Variants in RNF213 observed in about 807,000 individuals in gnomAD.
RNF213 encodes ring finger protein 213.
RNF213 carries 341 observed loss-of-function variants against 514.4 expected under a neutral mutation model. The observed-to-expected ratio is 0.66, with a 90% CI of 0.61 to 0.73. RNF213 has a LOEUF of 0.73. Among genes scored for constraint, RNF213 ranks in the 30% least tolerant of loss-of-function variants. RNF213 has a pLI of 0.00. For synonymous variants in RNF213, 2,655 were observed against 2,658.2 expected (o/e 1.00, Z 0.04); for missense variants, 5,767 against 6,615.6 (o/e 0.87, Z 4.45).
In RNF213 at chr17:80,263,760, C is replaced by T; in HGVS notation, c.79C>T (p.Pro27Ser). 1 of 1,613,980 alleles carries T rather than the reference C, an allele frequency of 6.2e-7. No homozygotes were observed. The highest frequency in any genetic ancestry group is 8.5e-7 in the Non-Finnish European group (1 of 1,179,898). Reference sequence around the variant, plus strand: ...CAGCCAGTGCGGAGAGAGGCTGCCTCCTGCAGCCCCCATAGCAGGTGAGGC... The same window carrying T: ...CAGCCAGTGCGGAGAGAGGCTGCCTTCTGCAGCCCCCATAGCAGGTGAGGC... Reference protein sequence around the residue: ...FCSQCGERLPPAAPIADSENN... With the variant: ...FCSQCGERLPSAAPIADSENN... Residue 27 changes from proline (P) to serine (S), a missense_variant, in exon 2 of 68, where the codon CCT becomes TCT. Around this residue, in one of 13 missense-constraint regions of RNF213, gnomAD observed 509 missense variants for 496.7 expected, o/e 1.02. Coordinates refer to ENST00000582970, the MANE Select transcript of RNF213 (RefSeq NM_001256071.3). This position sits in a 1 kb window ranked among gnomAD's most constrained non-coding sequence, Gnocchi z 4.9.
intron 2 of RNF213, among the ~76,000 whole-genome samples, chr17:80,270,549 C>T (rs1218062785): frequency 6.6e-5 from 10 of 152,140 alleles, no homozygotes; most frequent in Non-Finnish European, 1.2e-4. Flanking sequence ...CAATCTGTGC[C>T]GGTCGTTGGG....
intron 35 of RNF213, 27 bp from the exon 36 acceptor site, chr17:80,354,414 T>C (rs766410541): frequency 1.4e-5 from 23 of 1,614,100 alleles, no homozygotes; most frequent in Non-Finnish European, 8.5e-7. Flanking sequence ...ACGGCCATGC[T>C]GAACGTCTGT....
In RNF213 at chr17:80,294,810, A is replaced by G. The variant is rs867744222; in HGVS notation, c.1562A>G (p.Asp521Gly). The G allele has an allele frequency of 1.2e-6, 2 of 1,614,174 alleles. No individual in the cohort carries two copies. Among genetic ancestry groups the G allele is most frequent in the South Asian group, 2.2e-5 (2 of 91,084 alleles). ...MNHITDGPRK[D>G]LVKGKQIAAA... ...CACATCACAGACGGGCCGAGGAAGG[A>G]CCTGGTGAAGGGGAAGCAGATTGCC... Residue 521 changes from aspartate to glycine, a missense_variant, in exon 9 of 68, where the codon GAC becomes GGC. By Grantham distance (94) the Asp-to-Gly change is moderately conservative. Transcript: ENST00000582970.
chr17:80,353,687 C>T lies in RNF213; in HGVS notation c.10578+21C>T. On this transcript the variant is annotated intron_variant, in intron 34 of 67. Transcript: ENST00000582970. This position sits in a 1 kb window ranked among gnomAD's most constrained non-coding sequence, Gnocchi z 5.0. ...GTGATGTAAGTTCTGGTTCTTGGGACCTCCCCTTGTGCTGCTGGTGATGCT... is the reference window on the plus strand; with the variant it reads ...GTGATGTAAGTTCTGGTTCTTGGGATCTCCCCTTGTGCTGCTGGTGATGCT... 6.2e-7 allele frequency: 1 copy of T among 1,614,102 alleles called. No homozygotes were observed. The highest frequency in any genetic ancestry group is 8.5e-7 in the Non-Finnish European group (1 of 1,179,972).
In RNF213 at chr17:80,343,010, G is replaced by A. The variant is rs1386705033; in HGVS notation, c.5990-122G>A. 25 of 788,614 alleles carry A rather than the reference G, an allele frequency of 3.2e-5. No individual in the cohort carries two copies. Among genetic ancestry groups the A allele is most frequent in the Non-Finnish European group, 4.1e-5 (19 of 463,708 alleles). The allele number at this position is 788,614 out of a possible 1,614,324, so 48.9% of individuals were successfully genotyped here. ...TTTAGTAGGGACGGGATTTCACCAC[G>A]TTGACCAGGCTGGCTTTGAACTCCT... On this transcript the variant is annotated intron_variant, in intron 26 of 67. Coordinates refer to ENST00000582970, the MANE Select transcript of RNF213 (RefSeq NM_001256071.3). The surrounding 1 kb of genome is among the most constrained non-coding windows in gnomAD (Gnocchi z 4.3).
intron 2 of RNF213, among the ~76,000 whole-genome samples, chr17:80,265,248 T>C (rs2043574441): frequency 6.6e-6 from 1 of 152,156 alleles, no homozygotes; most frequent in Non-Finnish European, 1.5e-5. Context: ...GGTTTCACCA[T>C]GTTGGCCAGG....
chr17:80,335,152 AC>A (rs2077951505), intron 22 of RNF213, among the ~76,000 whole-genome samples: 1 of 151,854 alleles, frequency 6.6e-6, no homozygotes, highest in Non-Finnish European at 1.5e-5. Flanking sequence ...TGAACTCCTG[AC>A]CTCAGGTGAT....
At chr17:80,376,114 C>G (rs1182498286) in intron 51 of RNF213, among the ~76,000 whole-genome samples, 187 bp from the exon 52 acceptor site, 1 of 152,146 alleles carries the variant, frequency 6.6e-6, no homozygotes, top group East Asian at 1.9e-4. Context: ...AAAATTAATG[C>G]TTACGTATGT....
chr17:80,393,361 G>C lies in RNF213; in HGVS notation c.15487G>C (p.Val5163Leu). 3 of 1,614,024 alleles carry C rather than the reference G, an allele frequency of 1.9e-6. No individual in the cohort carries two copies. The highest frequency in any genetic ancestry group is 1.7e-6 in the Non-Finnish European group (2 of 1,179,992). ...GTTTTTCAGCCTGAGAGACACTCTC[G>C]TAAGTTACATGCAAACTAAAGAAAG... ...RPQWSLRDTL[V>L]SYMQTKESEI... Residue 5163 changes from valine (V) to leucine (L), a missense_variant, in exon 68 of 68, where the codon GTA becomes CTA. By Grantham distance (32) the Val-to-Leu change is conservative. Around this residue, in one of 13 missense-constraint regions of RNF213, gnomAD observed 1,245 missense variants for 1,339.0 expected, o/e 0.93. Coordinates refer to ENST00000582970, the MANE Select transcript of RNF213 (RefSeq NM_001256071.3).
At position 80,397,689 on chromosome 17, in the gene RNF213, T is replaced by C. The variant is rs998068972; in HGVS notation, c.*4191T>C. The C allele has an allele frequency of 5.7e-4, 86 of 151,876 alleles. No homozygotes were observed. The highest frequency in any genetic ancestry group is 2.0e-3 in the African/African-American group (81 of 41,404). 9.4% of individuals were successfully genotyped at this position (151,876 alleles called of 1,614,324 possible). On this transcript the variant is annotated 3_prime_UTR_variant, in exon 68 of 68. Coordinates refer to ENST00000582970, the MANE Select transcript of RNF213 (RefSeq NM_001256071.3). The stretch of plus-strand genomic sequence containing the variant: ...ATTGCTCACTCGGGGAGCTCAGTTG[T>C]TGGAGACATGAGTCTTGCCGAAGCG...
intron 11 of RNF213, among the ~76,000 whole-genome samples, chr17:80,303,848 G>A (rs1426347791): frequency 6.6e-6 from 1 of 151,368 alleles, no homozygotes; most frequent in Non-Finnish European, 1.5e-5. Flanking sequence ...GGGATTACAG[G>A]CGTGAGCCAC....
At chr17:80,297,849 G>A (rs1232865250) in intron 10 of RNF213, among the ~76,000 whole-genome samples, 1 of 151,086 alleles carries the variant, frequency 6.6e-6, no homozygotes, top group Non-Finnish European at 1.5e-5. Flanking sequence ...TTCCAGCACT[G>A]GAGAGGCTGA....
intron 2 of RNF213, among the ~76,000 whole-genome samples, chr17:80,271,231 CT>C (rs1309815961): frequency 6.6e-6 from 1 of 152,156 alleles, no homozygotes; most frequent in Admixed American, 6.5e-5. Flanking sequence ...CCAGCTCTTA[CT>C]TTCTGGCTGT....
In RNF213 at chr17:80,389,380, C is replaced by T. The variant is rs753192598; in HGVS notation, c.15195+13C>T. 5.0e-6 allele frequency: 8 copies of T among 1,612,664 alleles called. No homozygotes were observed. In the African/African-American group the frequency reaches 8.0e-5, roughly 16 times the overall value. On this transcript the variant is annotated intron_variant, in intron 65 of 67. Transcript: ENST00000582970. ...TCACGTGTTAAAGGTGGGTCTCACA[C>T]CGAAAAGGAAATCAGCACAGCCCCT...
At position 80,288,812 on chromosome 17, in the gene RNF213, C is replaced by T. The variant is rs1238036541; in HGVS notation, c.933+57C>T. ...AGGCCCTCTCCTGCCCACGGCTGCG[C>T]CTCTTTCATTTAATTATTCAGCAAA... On this transcript the variant is annotated intron_variant, in intron 5 of 67. Coordinates refer to ENST00000582970, the MANE Select transcript of RNF213 (RefSeq NM_001256071.3). This position sits in a 1 kb window ranked among gnomAD's most constrained non-coding sequence, Gnocchi z 4.9. The T allele has an allele frequency of 6.2e-7, 1 of 1,612,608 alleles. No individual in the cohort carries two copies. The highest frequency in any genetic ancestry group is 8.5e-7 in the Non-Finnish European group (1 of 1,179,754).
In RNF213 at chr17:80,377,652, C is replaced by A; in HGVS notation, c.13511-110C>A. On this transcript the variant is annotated intron_variant, in intron 53 of 67. Transcript: ENST00000582970. This position sits in a 1 kb window ranked among gnomAD's most constrained non-coding sequence, Gnocchi z 4.1. ...ATTAGCGTGGGATGCTCTGGACAGT[C>A]ATTCTCATATTGTGGTCAGGGCCAG... 1 of 1,164,902 alleles carries A rather than the reference C, an allele frequency of 8.6e-7. No homozygotes were observed. The highest frequency in any genetic ancestry group is 1.3e-6 in the Non-Finnish European group (1 of 770,078). 72.2% of individuals were successfully genotyped at this position (1,164,902 alleles called of 1,614,324 possible). A position where few individuals can be genotyped will look rare whatever the true frequency, so the allele number is the denominator to read the frequency against.
intron 49 of RNF213, among the ~76,000 whole-genome samples, chr17:80,373,812 C>G (rs1436226436): frequency 2.0e-5 from 3 of 151,694 alleles, no homozygotes; most frequent in Non-Finnish European, 2.9e-5. Flanking sequence ...CCAGCCTGGC[C>G]AACATGGTGA....
intron 32 of RNF213, chr17:80,352,703 C>T: frequency 1.5e-6 from 1 of 656,186 alleles, no homozygotes. Flanking sequence ...CTGGCCATTG[C>T]AGGTCTTACC....
chr17:80,310,011 C>T lies in RNF213; in HGVS notation c.2655+840C>T, dbSNP rs543078310. On this transcript the variant is annotated intron_variant, in intron 14 of 67. Coordinates refer to ENST00000582970, the MANE Select transcript of RNF213 (RefSeq NM_001256071.3). ...CCTCATGATCCGCCTGCCTTGGCCT[C>T]CAAAGTGCTGGGATTACAGGCTTAA... Among the ~76,000 whole-genome samples, 314 of 151,968 alleles carry T rather than the reference C, an allele frequency of 2.1e-3. 2 individuals are homozygous for T. Among genetic ancestry groups the T allele is most frequent in the Middle Eastern group, 6.8e-3 (2 of 294 alleles).
Sources: allele counts gnomAD v4.1 joint callset (sites outside exome capture counted in the v4.1 genomes callset), GRCh38; gene constraint gnomAD v4.1.1; regional missense constraint gnomAD v4.1.1; non-coding constraint Gnocchi (gnomAD v3.1); transcripts MANE v1.5; gene names NCBI Gene and HGNC (gene_info 2026-07-23, HGNC 2026-07-21).